The following GABRB3 variants were observed in gnomAD, a reference collection of about 807,000 sequenced individuals.
GABRB3 encodes gamma-aminobutyric acid receptor subunit beta-3.
Under a neutral mutation model 52.1 loss-of-function variants are expected in GABRB3, and 14 were observed. The observed-to-expected ratio is 0.27, with a 90% CI of 0.18 to 0.42. GABRB3 has a LOEUF of 0.42. Among genes scored for constraint, GABRB3 ranks in the 10% least tolerant of loss-of-function variants. GABRB3 has a pLI of 1.00. For missense variants in GABRB3, 307 were observed against 609.1 expected, an observed-to-expected ratio of 0.50 and a Z score of 5.22; for synonymous variants, 260 against 232.3, an observed-to-expected ratio of 1.12 and a Z score of -1.08.
chr15:26,578,734 A>C (rs1415130243), intron 6 of GABRB3, among the ~76,000 whole-genome samples: 1 of 152,210 alleles, frequency 6.6e-6, no homozygotes, highest in Non-Finnish European at 1.5e-5. Flanking sequence ...GGGCAGGATT[A>C]CTCCACAGTG....
At chr15:26,707,088 A>C (rs1374604663) in intron 3 of GABRB3, among the ~76,000 whole-genome samples, 1 of 152,224 alleles carries the variant, frequency 6.6e-6, no homozygotes, top group Non-Finnish European at 1.5e-5. Context: ...GATTGCAAAC[A>C]CATGATAAAT....
intron 8 of GABRB3, among the ~76,000 whole-genome samples, chr15:26,559,025 G>A (rs770364009): frequency 1.4e-4 from 22 of 152,158 alleles, no homozygotes; most frequent in Admixed American, 2.6e-4. Flanking sequence ...CACATCTCAC[G>A]AGGACAGAAC....
intron 3 of GABRB3, among the ~76,000 whole-genome samples, chr15:26,696,348 AGATAG>A (rs1888738393): frequency 6.6e-6 from 1 of 152,036 alleles, no homozygotes; most frequent in African/African-American, 2.4e-5. Context: ...CACCTTTTTA[AGATAG>A]GTACTACTGC....
chr15:26,555,859 A>C (rs1426732574), intron 8 of GABRB3, among the ~76,000 whole-genome samples: 1 of 152,198 alleles, frequency 6.6e-6, no homozygotes, highest in African/African-American at 2.4e-5. Context: ...TATGGTTTTC[A>C]TTTAAGCATG....
At chr15:26,605,546 T>C (rs1891756773) in intron 4 of GABRB3, among the ~76,000 whole-genome samples, 1 of 152,106 alleles carries the variant, frequency 6.6e-6, no homozygotes. Flanking sequence ...ATAAAGAAAA[T>C]GTTGTACTTA....
At chr15:26,571,648 C>A (rs1226997648) in intron 6 of GABRB3, among the ~76,000 whole-genome samples, 1 of 152,074 alleles carries the variant, frequency 6.6e-6, no homozygotes, top group Non-Finnish European at 1.5e-5. Flanking sequence ...TCATTAGGGA[C>A]CTTGAAGAAG....
At chr15:26,679,325 A>G (rs1320300048) in intron 3 of GABRB3, among the ~76,000 whole-genome samples, 5 of 152,170 alleles carry the variant, frequency 3.3e-5, no homozygotes, top group Non-Finnish European at 4.4e-5. Context: ...ACAGGCTGGC[A>G]TCTACCTTTC....
intron 3 of GABRB3, among the ~76,000 whole-genome samples, chr15:26,668,033 G>A (rs557417180): frequency 3.9e-5 from 6 of 152,250 alleles, no homozygotes; most frequent in South Asian, 2.1e-4. Flanking sequence ...AACACCCTGC[G>A]TAACAGTGGT....
At chr15:26,683,945 C>T (rs374356620) in intron 3 of GABRB3, among the ~76,000 whole-genome samples, 5 of 152,232 alleles carry the variant, frequency 3.3e-5, no homozygotes, top group African/African-American at 1.2e-4. Flanking sequence ...AATCCACCTC[C>T]AGGTTTTCAG....
At chr15:26,709,661 G>A (rs1344595666) in intron 3 of GABRB3, among the ~76,000 whole-genome samples, 1 of 151,546 alleles carries the variant, frequency 6.6e-6, no homozygotes, top group Non-Finnish European at 1.5e-5. Context: ...GGGACTCCAG[G>A]TGCCCACCAC....
At chr15:26,593,324 A>C (rs1285210480) in intron 4 of GABRB3, among the ~76,000 whole-genome samples, 2 of 152,230 alleles carry the variant, frequency 1.3e-5, no homozygotes, top group Non-Finnish European at 2.9e-5. Flanking sequence ...TACAATACAC[A>C]CAATATAAAA....
intron 3 of GABRB3, among the ~76,000 whole-genome samples, chr15:26,650,231 A>C (rs1201951615): frequency 6.6e-6 from 1 of 152,222 alleles, no homozygotes; most frequent in East Asian, 1.9e-4. Context: ...TCAGGTGAGA[A>C]AGATGAGTAT....
At chr15:26,764,244 G>C (rs1890933122) in intron 3 of GABRB3, among the ~76,000 whole-genome samples, 2 of 117,480 alleles carry the variant, frequency 1.7e-5, no homozygotes, top group African/African-American at 6.8e-5. Context: ...ATAGTGTCAT[G>C]AATCATGGCA....
intron 4 of GABRB3, chr15:26,615,536 T>C: frequency 1.3e-6 from 1 of 770,130 alleles, no homozygotes; most frequent in Non-Finnish European, 1.6e-6. Context: ...AAGAATGTGA[T>C]CACTCTCAAG....
intron 4 of GABRB3, among the ~76,000 whole-genome samples, chr15:26,610,523 G>C (rs535123753): frequency 1.3e-5 from 2 of 152,254 alleles, no homozygotes; most frequent in East Asian, 3.9e-4. Flanking sequence ...TTGATAAGCT[G>C]ATATTCTTTT....
At chr15:26,749,597 A>AG (rs1312930938) in intron 3 of GABRB3, among the ~76,000 whole-genome samples, 1 of 152,138 alleles carries the variant, frequency 6.6e-6, no homozygotes, top group African/African-American at 2.4e-5. Flanking sequence ...GTTTCTACTC[A>AG]GTGGTGGGTG....
chr15:26,710,255 TTTTTGTTTTG>T (rs945770039), intron 3 of GABRB3, among the ~76,000 whole-genome samples: 1 of 152,114 alleles, frequency 6.6e-6, no homozygotes, highest in Non-Finnish European at 1.5e-5. Flanking sequence ...ATAATTTGTT[TTTTTGTTTTG>T]TTTTGTTTTG....
chr15:26,572,207 T>A (rs1321424581), intron 6 of GABRB3, among the ~76,000 whole-genome samples: 3 of 152,228 alleles, frequency 2.0e-5, no homozygotes, highest in Non-Finnish European at 4.4e-5. Context: ...CAACTATTTA[T>A]AGCTCCTGAC....
chr15:26,597,839 C>T (rs1045434733), intron 4 of GABRB3, among the ~76,000 whole-genome samples: 2 of 152,146 alleles, frequency 1.3e-5, no homozygotes, highest in Non-Finnish European at 2.9e-5. Context: ...TTTCTCCACC[C>T]TCAAAATTAA....
Sources: allele counts gnomAD v4.1 joint callset (sites outside exome capture counted in the v4.1 genomes callset), GRCh38; gene constraint gnomAD v4.1.1; transcripts MANE v1.5; gene names NCBI Gene and HGNC (gene_info 2026-07-23, HGNC 2026-07-21).